Variants in ACBD6 observed in about 807,000 individuals in gnomAD.
ACBD6 encodes acyl-CoA binding domain containing 6, also known as acyl-CoA-binding domain-containing protein 6.
In ACBD6, 28 loss-of-function variants were observed where a neutral mutation model predicts 37.2. The ratio of observed to expected loss-of-function variants is 0.75; its 90% CI spans 0.56 to 1.03. The LOEUF (loss-of-function observed/expected upper bound fraction) is 1.03. Among genes scored for constraint, ACBD6 ranks in the 50% least tolerant of loss-of-function variants. The pLI, the probability that ACBD6 is intolerant of heterozygous loss-of-function variation, is 0.00. For synonymous variants in ACBD6, 113 were observed against 126.8 expected, an observed-to-expected ratio of 0.89 and a Z score of 0.73; for missense variants, 340 against 337.4, an observed-to-expected ratio of 1.01 and a Z score of -0.06.
chr1:180,436,160 T>C (rs1290647215), intron 3 of ACBD6, among the ~76,000 whole-genome samples: 5 of 152,138 alleles, frequency 3.3e-5, no homozygotes, highest in Admixed American at 6.5e-5. Context: ...GACTTGGGGG[T>C]AACTTGGTGG....
chr1:180,428,619 G>T (rs1483656075), intron 4 of ACBD6, among the ~76,000 whole-genome samples: 1 of 152,156 alleles, frequency 6.6e-6, no homozygotes, highest in East Asian at 1.9e-4. Flanking sequence ...CTGTAGGGCT[G>T]CTGTGATCAG....
chr1:180,421,646 C>A (rs185794290), intron 4 of ACBD6, among the ~76,000 whole-genome samples: 27 of 152,298 alleles, frequency 1.8e-4, no homozygotes, highest in Non-Finnish European at 3.5e-4. Context: ...TTTTTCTCCA[C>A]AATCTCACCA....
chr1:180,477,287 T>C (rs997816418), intron 3 of ACBD6, among the ~76,000 whole-genome samples: 2 of 152,020 alleles, frequency 1.3e-5, no homozygotes, highest in African/African-American at 4.8e-5. Context: ...AAACTATAGA[T>C]CAGGGAGGAC....
At chr1:180,274,104 T>C (rs1281461016) in exon 11 of ACBD6, 3 of 1,555,182 alleles carry the variant, frequency 1.9e-6, no homozygotes, top group South Asian at 2.2e-5. Flanking sequence ...TTCCTGGTCA[T>C]GTGTGTTCCT....
chr1:180,363,976 C>A (rs1652944164), intron 6 of ACBD6, among the ~76,000 whole-genome samples: 1 of 152,096 alleles, frequency 6.6e-6, no homozygotes, highest in Non-Finnish European at 1.5e-5. Context: ...AAAGTATGAA[C>A]ACACTGACAA....
At chr1:180,476,849 A>C (rs138341231) in intron 3 of ACBD6, among the ~76,000 whole-genome samples, 1 of 152,054 alleles carries the variant, frequency 6.6e-6, no homozygotes, top group South Asian at 2.1e-4. Context: ...AAACAAAAAC[A>C]AACAAAAAAA....
chr1:180,347,360 G>GTGTTTTTTTTTTTTTTTTTTTTTTTTTT lies in ACBD6; in HGVS notation c.664-32639_664-32638insAAAAAAAAAAAAAAAAAAAAAAAAAACA, dbSNP rs1553296138. ...CAAACACTTAATTTTTCAACAGAAA[G>GTGTTTTTTTTTTTTTTTTTTTTTTTTTT]TTTTTTTTTTTTTTTTTTTTTTGAG... On this transcript the variant is annotated intron_variant, in intron 6 of 7. Coordinates refer to ENST00000367595, the MANE Select transcript of ACBD6 (RefSeq NM_032360.4). Among the ~76,000 whole-genome samples, 2 of 49,074 alleles carry GTGTTTTTTTTTTTTTTTTTTTTTTTTTT rather than the reference G, an allele frequency of 4.1e-5. 1 individual carries two copies. 32.2% of individuals were successfully genotyped at this position (49,074 alleles called of 152,430 possible). A position where few individuals can be genotyped will look rare whatever the true frequency, so the allele number is the denominator to read the frequency against.
intron 3 of ACBD6, among the ~76,000 whole-genome samples, chr1:180,455,721 C>G (rs1649890328): frequency 6.6e-6 from 1 of 152,032 alleles, no homozygotes; most frequent in South Asian, 2.1e-4. Flanking sequence ...TGATCTTGTC[C>G]TATTACCACA....
intron 4 of ACBD6, among the ~76,000 whole-genome samples, chr1:180,421,761 G>A (rs553288374): frequency 5.3e-5 from 8 of 151,994 alleles, no homozygotes; most frequent in Admixed American, 4.6e-4. Flanking sequence ...TTTCTCCAAC[G>A]ATCAGTGATG....
At chr1:180,445,370 C>CT (rs1649434590) in intron 3 of ACBD6, among the ~76,000 whole-genome samples, 1 of 152,144 alleles carries the variant, frequency 6.6e-6, no homozygotes, top group Non-Finnish European at 1.5e-5. Flanking sequence ...CATAAAAACT[C>CT]TAACATACTT....
At chr1:180,448,829 A>AC (rs1553212177) in intron 3 of ACBD6, among the ~76,000 whole-genome samples, 1 of 151,760 alleles carries the variant, frequency 6.6e-6, no homozygotes, top group East Asian at 1.9e-4. Context: ...GTTTTCTTTC[A>AC]TTTTTTTTAA....
chr1:180,485,392 TG>T (rs1651222066), intron 3 of ACBD6, among the ~76,000 whole-genome samples: 1 of 152,176 alleles, frequency 6.6e-6, no homozygotes, highest in Admixed American at 6.5e-5. Context: ...TCTTGGCAGA[TG>T]TAAGTTAAAA....
rs887863089 is a variant in ACBD6 at position 180,446,825 on chromosome 1, G to A, written c.385-16563C>T. Among the ~76,000 whole-genome samples the A allele has an allele frequency of 3.9e-5, 6 of 152,126 alleles. No homozygotes were observed. The East Asian group carries it at 5.8e-4, about 15-fold the overall frequency. On this transcript the variant is annotated intron_variant, in intron 3 of 7. Coordinates refer to ENST00000367595, the MANE Select transcript of ACBD6 (RefSeq NM_032360.4). ...GGAGGCAGAGGCAGGCGGATTACCCGAGGTTAGGAGTTTGAGACCAGCCTG... is the reference window on the plus strand; with the variant it reads ...GGAGGCAGAGGCAGGCGGATTACCCAAGGTTAGGAGTTTGAGACCAGCCTG...
chr1:180,382,012 G>T (rs760862566), intron 6 of ACBD6, among the ~76,000 whole-genome samples: 10 of 151,856 alleles, frequency 6.6e-5, no homozygotes, highest in Non-Finnish European at 1.5e-4. Flanking sequence ...GGGAGGCTGA[G>T]GCTGAGGCAG....
chr1:180,403,217 AG>A (rs1265351228), intron 5 of ACBD6, among the ~76,000 whole-genome samples: 1 of 152,286 alleles, frequency 6.6e-6, no homozygotes, highest in East Asian at 1.9e-4. Context: ...AAGGGGCATG[AG>A]GAAACTTTCT....
intron 6 of ACBD6, among the ~76,000 whole-genome samples, chr1:180,338,976 A>G (rs1651859054): frequency 6.6e-6 from 1 of 152,346 alleles, no homozygotes; most frequent in African/African-American, 2.4e-5. Context: ...CAAAACCACA[A>G]TGAGATACCA....
chr1:180,271,153 A>C (rs148235710), exon 14 of ACBD6: 5 of 601,138 alleles, frequency 8.3e-6, no homozygotes, highest in African/African-American at 1.8e-5. Context: ...GGAGCTGAGC[A>C]GAGAAAGGAC....
chr1:180,336,792 A>C (rs1651739780), intron 6 of ACBD6, among the ~76,000 whole-genome samples: 1 of 152,230 alleles, frequency 6.6e-6, no homozygotes, highest in Non-Finnish European at 1.5e-5. Context: ...GAGAAGAATC[A>C]AATAGATGCA....
intron 3 of ACBD6, among the ~76,000 whole-genome samples, chr1:180,475,351 G>T (rs1650738462): frequency 6.6e-6 from 1 of 152,006 alleles, no homozygotes; most frequent in Non-Finnish European, 1.5e-5. Flanking sequence ...CACTGATCTG[G>T]TTTCTGTCAC....
Sources: allele counts gnomAD v4.1 joint callset (sites outside exome capture counted in the v4.1 genomes callset), GRCh38; gene constraint gnomAD v4.1.1; transcripts MANE v1.5; gene names NCBI Gene and HGNC (gene_info 2026-07-23, HGNC 2026-07-21).